Variants in MAGI2 observed in about 807,000 individuals in gnomAD.
MAGI2 encodes the protein membrane associated guanylate kinase, WW and PDZ domain containing 2.
In MAGI2, 35 loss-of-function variants were observed where a neutral mutation model predicts 133.3. The observed-to-expected ratio is 0.26, with a 90% CI of 0.20 to 0.35. MAGI2 has a LOEUF of 0.35. MAGI2 is among the 10% of genes least tolerant of loss of function. The probability of loss-of-function intolerance (pLI) is 1.00; values close to 1 mark genes in which losing one functional copy is unlikely to be tolerated. For synonymous variants in MAGI2, 729 were observed against 710.6 expected, an observed-to-expected ratio of 1.03 and a Z score of -0.41; for missense variants, 1,636 against 1,863.4, an observed-to-expected ratio of 0.88 and a Z score of 2.25.
intron 2 of MAGI2, among the ~76,000 whole-genome samples, chr7:78,969,646 A>C (rs528728904): frequency 3.0e-4 from 46 of 152,100 alleles, no homozygotes; most frequent in Non-Finnish European, 4.6e-4. Context: ...GCCTTAATTC[A>C]CTTACTTTGA....
Position 79,077,393 on chromosome 7 carries a change from T to C in MAGI2, c.302-70187A>G, listed in dbSNP as rs1815565608. ...TAACATGGTGAAACCCCGTCTCTAA[T>C]AAAATACAAAAAAAAAAATTAGCCA... is the stretch of plus-strand genomic sequence containing the variant. On this transcript the variant is annotated intron_variant, in intron 1 of 21. Transcript: ENST00000354212. 4.0e-5 allele frequency among the ~76,000 whole-genome samples: 6 copies of C among 149,146 alleles called. No individual in the cohort carries two copies. The South Asian group carries it at 1.3e-3, about 32-fold the overall frequency.
At position 78,321,881 on chromosome 7, in the gene MAGI2, G is replaced by T. The variant is rs139039475; in HGVS notation, c.1408+21897C>A. 7.0e-3 allele frequency among the ~76,000 whole-genome samples: 1,065 copies of T among 152,044 alleles called. 28 individuals are homozygous for T. Among genetic ancestry groups the T allele is most frequent in the East Asian group, 0.057 (294 of 5,184 alleles). ...TTTGCAATCTATCTATCTGACAAAGGGCTAATATCCAGAATCTACGAAGAA... is the reference window on the plus strand; with the variant it reads ...TTTGCAATCTATCTATCTGACAAAGTGCTAATATCCAGAATCTACGAAGAA... On this transcript the variant is annotated intron_variant, in intron 9 of 21. Coordinates refer to ENST00000354212, the MANE Select transcript of MAGI2 (RefSeq NM_012301.4).
At chr7:79,320,829 C>G (rs1266509153) in intron 1 of MAGI2, among the ~76,000 whole-genome samples, 4 of 152,040 alleles carry the variant, frequency 2.6e-5, no homozygotes, top group African/African-American at 9.7e-5. Context: ...AAAGTTACTG[C>G]TGGATTCATG....
chr7:79,022,694 A>C (rs28861805), intron 1 of MAGI2, among the ~76,000 whole-genome samples: 98,121 of 148,452 alleles, frequency 0.66, 32,703 homozygotes, highest in Non-Finnish European at 0.7. Flanking sequence ...GGGACATTAC[A>C]ACTGGCCACA....
chr7:79,453,166 A>C lies in MAGI2; in HGVS notation c.155T>G (p.Val52Gly). The change falls in exon 1 of 22, where the codon GTG (valine) becomes GGG (glycine). Residue 52 changes from valine to glycine, a missense_variant. Physicochemically the swap from Val to Gly is moderately radical, Grantham distance 109. Around this residue, in one of 5 missense-constraint regions of MAGI2, gnomAD observed 148 missense variants for 239.0 expected, o/e 0.62. Coordinates refer to ENST00000354212, the MANE Select transcript of MAGI2 (RefSeq NM_012301.4). ...PYLGEVKPGK[V>G]AYESGSKLVS... The stretch of plus-strand genomic sequence containing the variant: ...CAATTTGCTGCCGCTCTCATAGGCC[A>C]CCTTGCCGGGCTTCACCTCCCCCAG... The C allele has an allele frequency of 6.2e-7, 1 of 1,613,612 alleles. No individual in the cohort carries two copies. The highest frequency in any genetic ancestry group is 8.5e-7 in the Non-Finnish European group (1 of 1,179,930).
At chr7:79,145,576 G>GAA in intron 1 of MAGI2, among the ~76,000 whole-genome samples, 1 of 147,124 alleles carries the variant, frequency 6.8e-6, no homozygotes, top group East Asian at 2.0e-4. Context: ...ATACAAGTTA[G>GAA]AAAAAAAAAA....
At chr7:78,138,158 G>A (rs1822359838) in intron 16 of MAGI2, among the ~76,000 whole-genome samples, 1 of 152,084 alleles carries the variant, frequency 6.6e-6, no homozygotes, top group Admixed American at 6.5e-5. Flanking sequence ...GACTTTTCTG[G>A]CTCTGATCTC....
chr7:78,058,478 CT>C (rs61113351), intron 21 of MAGI2, among the ~76,000 whole-genome samples: 9 of 146,852 alleles, frequency 6.1e-5, no homozygotes, highest in African/African-American at 1.0e-4. Flanking sequence ...CTTAAAATTC[CT>C]TTTTTTTTTT....
At chr7:78,724,096 T>C (rs73150794) in intron 2 of MAGI2, among the ~76,000 whole-genome samples, 11,496 of 152,130 alleles carry the variant, frequency 0.076, 530 homozygotes, top group African/African-American at 0.12. Context: ...TTGGGTGCTG[T>C]AGCTGAGGAG....
intron 1 of MAGI2, among the ~76,000 whole-genome samples, chr7:79,276,697 C>T (rs1372749513): frequency 2.0e-5 from 3 of 152,166 alleles, no homozygotes; most frequent in Non-Finnish European, 4.4e-5. Context: ...TATGCAGTGG[C>T]TCATGCCTGG....
In MAGI2 at chr7:79,237,515, AG is replaced by A. The variant is rs1399115517; in HGVS notation, c.301+215504del. 3.9e-5 allele frequency among the ~76,000 whole-genome samples: 6 copies of A among 152,316 alleles called. No homozygotes were observed. In the East Asian group the frequency reaches 1.2e-3, roughly 29 times the overall value. ...TGCATACACATGCAAACATATATTA[AG>A]AAAAATGTAGAAATATTCTATAATC... On this transcript the variant is annotated intron_variant, in intron 1 of 21. Transcript: ENST00000354212.
At chr7:79,265,451 T>G (rs762735397) in intron 1 of MAGI2, among the ~76,000 whole-genome samples, 16 of 152,170 alleles carry the variant, frequency 1.1e-4, no homozygotes, top group Non-Finnish European at 2.2e-4. Context: ...ATTATTAATA[T>G]GTGGTGTATT....
At chr7:78,848,860 C>A (rs1416914316) in intron 2 of MAGI2, among the ~76,000 whole-genome samples, 1 of 151,988 alleles carries the variant, frequency 6.6e-6, no homozygotes, top group Non-Finnish European at 1.5e-5. Flanking sequence ...TCTCTTATCA[C>A]CTTATCACCA....
intron 2 of MAGI2, among the ~76,000 whole-genome samples, chr7:78,740,174 A>G (rs1466002435): frequency 1.3e-5 from 2 of 151,236 alleles, no homozygotes; most frequent in Admixed American, 1.3e-4. Context: ...AAAAAAAAAC[A>G]AAAAACAAAT....
At chr7:78,902,660 C>A (rs776250687) in intron 2 of MAGI2, 5 of 152,116 alleles carry the variant, frequency 3.3e-5, no homozygotes, top group Non-Finnish European at 5.9e-5. Flanking sequence ...ATCAATAGAA[C>A]TTTTCAGTGG....
At chr7:78,157,177 C>T (rs536981152) in intron 16 of MAGI2, among the ~76,000 whole-genome samples, 2 of 152,250 alleles carry the variant, frequency 1.3e-5, no homozygotes, top group Admixed American at 6.5e-5. Context: ...GTAAATGCAA[C>T]GTGCCATCAG....
intron 2 of MAGI2, among the ~76,000 whole-genome samples, chr7:78,828,665 G>A (rs770561731): frequency 9.2e-5 from 14 of 152,048 alleles, no homozygotes; most frequent in African/African-American, 1.9e-4. Flanking sequence ...ATCAATATTC[G>A]TCCATTAATT....
intron 1 of MAGI2, among the ~76,000 whole-genome samples, chr7:79,430,254 C>T (rs1369304987): frequency 1.3e-5 from 2 of 151,992 alleles, no homozygotes; most frequent in Non-Finnish European, 2.9e-5. Context: ...TAAAATAAGG[C>T]TTTGCAGGAT....
intron 1 of MAGI2, among the ~76,000 whole-genome samples, chr7:79,171,046 C>T (rs1446530459): frequency 6.6e-6 from 1 of 152,018 alleles, no homozygotes; most frequent in Non-Finnish European, 1.5e-5. Context: ...TAAAGTCAGT[C>T]AACTTAGTGG....
Sources: gnomAD v4.1 joint callset for allele counts (sites outside exome capture counted in the v4.1 genomes callset) on GRCh38, gnomAD v4.1.1 for gene constraint, gnomAD v4.1.1 regional missense constraint, MANE v1.5 for transcripts, NCBI Gene and HGNC (gene_info 2026-07-23, HGNC 2026-07-21) for gene names.